Variants in CNTLN observed in about 807,000 individuals in gnomAD.
CNTLN encodes the protein centlein, also known as centlein, centrosomal protein.
In CNTLN, 212 loss-of-function variants were observed where a neutral mutation model predicts 180.0. The ratio of observed to expected loss-of-function variants is 1.18; its 90% confidence interval spans 1.05 to 1.32. The LOEUF is 1.32. CNTLN is among the 40% of genes most tolerant of loss of function. The pLI is 0.00. For synonymous variants in CNTLN, 722 were observed against 563.1 expected (o/e 1.28, Z -3.99); for missense variants, 2,095 against 1,610.9 (o/e 1.30, Z -5.14).
At chr9:17,216,453 G>A (rs939859883) in intron 2 of CNTLN, among the ~76,000 whole-genome samples, 1 of 152,058 alleles carries the variant, frequency 6.6e-6, no homozygotes, top group Non-Finnish European at 1.5e-5. Context: ...GGGAATAAAG[G>A]CAAGATGATT....
At chr9:17,484,149 G>A in intron 23 of CNTLN, 146 bp from the exon 24 acceptor site, 2 of 636,504 alleles carry the variant, frequency 3.1e-6, no homozygotes, top group Non-Finnish European at 5.2e-6. Flanking sequence ...TAGGTAAAGA[G>A]CAATCCACTA....
At chr9:17,428,974 CAGTT>C (rs1237654573) in intron 18 of CNTLN, among the ~76,000 whole-genome samples, 5 of 151,846 alleles carry the variant, frequency 3.3e-5, no homozygotes, top group Non-Finnish European at 7.4e-5. Flanking sequence ...CGATTTGAGG[CAGTT>C]AGTGTCTATT....
chr9:17,187,939 T>C (rs947029068), intron 2 of CNTLN, among the ~76,000 whole-genome samples: 3 of 150,852 alleles, frequency 2.0e-5, no homozygotes, highest in South Asian at 2.1e-4. Context: ...TGTGAAAATG[T>C]ATAAGGAATA....
Position 17,416,130 on chromosome 9 carries a change from C to G in CNTLN, c.3055C>G (p.Leu1019Val). ...VKEYKEVNEK[L>V]LHQQQVSDQR... The stretch of plus-strand genomic sequence containing the variant: ...AGAATATAAAGAAGTTAATGAAAAG[C>G]TCCTCCATCAACAGCAAGTATCCGA... Residue 1019 changes from leucine (L) to valine (V), a missense_variant, in exon 18 of 26, where the codon CTC becomes GTC. Transcript: ENST00000380647. 6.2e-7 allele frequency: 1 copy of G among 1,613,498 alleles called. No homozygotes were observed. The highest frequency in any genetic ancestry group is 8.5e-7 in the Non-Finnish European group (1 of 1,179,708).
chr9:17,301,213 A>T, intron 7 of CNTLN: 1 of 985,170 alleles, frequency 1.0e-6, no homozygotes, highest in Non-Finnish European at 1.2e-6. Flanking sequence ...GTCTTTACTA[A>T]ATTGGGAGAA....
At chr9:17,153,234 A>G (rs764219050) in intron 2 of CNTLN, among the ~76,000 whole-genome samples, 1 of 152,152 alleles carries the variant, frequency 6.6e-6, no homozygotes, top group Non-Finnish European at 1.5e-5. Flanking sequence ...TAGTTAATGC[A>G]GTTTCTTCAT....
chr9:17,191,646 CA>C (rs1219654354), intron 2 of CNTLN, among the ~76,000 whole-genome samples: 2 of 152,134 alleles, frequency 1.3e-5, no homozygotes, highest in Admixed American at 6.5e-5. Flanking sequence ...TAATATATGA[CA>C]TTTTTTTGAT....
intron 7 of CNTLN, among the ~76,000 whole-genome samples, chr9:17,306,408 C>A (rs1818719156): frequency 6.6e-6 from 1 of 152,176 alleles, no homozygotes. Context: ...CTCGGTCTCC[C>A]AAAGTGCTGG....
intron 12 of CNTLN, among the ~76,000 whole-genome samples, chr9:17,351,769 T>G (rs1822386431): frequency 6.6e-6 from 1 of 152,218 alleles, no homozygotes; most frequent in Non-Finnish European, 1.5e-5. Flanking sequence ...CAGATTGACC[T>G]TTTAAACTAT....
rs1176732121 is a variant in CNTLN, at chr9:17,219,411, T to TG, written c.450-6789dup. ...TTCCTGTTACAGCACCATTTTATCTTGGGAGCATTTTCCTGTTATGAAAAT... is the reference window on the plus strand; with the variant it reads ...TTCCTGTTACAGCACCATTTTATCTTGGGGAGCATTTTCCTGTTATGAAAAT... On this transcript the variant is annotated intron_variant, in intron 2 of 25. Coordinates refer to ENST00000380647, the MANE Select transcript of CNTLN (RefSeq NM_017738.4). Among the ~76,000 whole-genome samples the TG allele has an allele frequency of 2.6e-5, 4 of 152,166 alleles. No homozygotes were observed. In the East Asian group the frequency reaches 7.7e-4, roughly 29 times the overall value.
intron 5 of CNTLN, among the ~76,000 whole-genome samples, chr9:17,261,923 C>A (rs78970135): frequency 0.021 from 3,251 of 151,628 alleles, 233 homozygotes; most frequent in African/African-American, 0.074. Context: ...AGGACATGAA[C>A]AGACACTTCT....
rs140797060 is a variant in CNTLN at position 17,384,974 on chromosome 9, A to T, written c.1988-3188A>T. Among the ~76,000 whole-genome samples, 38 of 152,366 alleles carry T rather than the reference A, an allele frequency of 2.5e-4. 1 individual carries two copies. The highest frequency in any genetic ancestry group is 1.2e-3 in the Admixed American group (19 of 15,306). On this transcript the variant is annotated intron_variant, in intron 13 of 25. Coordinates refer to ENST00000380647, the MANE Select transcript of CNTLN (RefSeq NM_017738.4). ...ACTGCCTCCATTTTAGATCCCAGTC[A>T]CAAGTCCCAGGTTTCCACCTGTATT... is the stretch of plus-strand genomic sequence containing the variant.
At chr9:17,268,861 G>T (rs1827715610) in intron 5 of CNTLN, among the ~76,000 whole-genome samples, 1 of 151,660 alleles carries the variant, frequency 6.6e-6, no homozygotes, top group African/African-American at 2.4e-5. Context: ...TTATAATCTG[G>T]TGTGCCGTTT....
At chr9:17,161,276 A>C (rs995872416) in intron 2 of CNTLN, among the ~76,000 whole-genome samples, 1 of 152,116 alleles carries the variant, frequency 6.6e-6, no homozygotes, top group African/African-American at 2.4e-5. Context: ...CTGTCACTTT[A>C]TGAGTTTGTT....
At chr9:17,298,873 C>A in intron 7 of CNTLN, 4 of 985,274 alleles carry the variant, frequency 4.1e-6, no homozygotes, top group Non-Finnish European at 4.8e-6. Flanking sequence ...TTTTAGGAGC[C>A]TTTCAAGAAG....
intron 12 of CNTLN, among the ~76,000 whole-genome samples, chr9:17,354,916 C>T (rs1422223105): frequency 6.6e-6 from 1 of 152,046 alleles, no homozygotes; most frequent in Non-Finnish European, 1.5e-5. Context: ...CTGAGCCCAG[C>T]GAGACCACGA....
At chr9:17,348,245 C>A (rs1207115208) in intron 12 of CNTLN, among the ~76,000 whole-genome samples, 2 of 152,144 alleles carry the variant, frequency 1.3e-5, no homozygotes, top group African/African-American at 2.4e-5. Context: ...TTTACACCAT[C>A]ATAAAGTTGA....
chr9:17,376,472 G>GA (rs973510140), intron 13 of CNTLN, among the ~76,000 whole-genome samples: 1 of 143,986 alleles, frequency 6.9e-6, no homozygotes, highest in African/African-American at 2.6e-5. Context: ...TTTTTTTTGA[G>GA]ACGGAGTCTC....
intron 9 of CNTLN, 126 bp from the exon 10 acceptor site, chr9:17,332,479 A>G (rs1820708497): frequency 1.2e-6 from 1 of 812,010 alleles, no homozygotes. Context: ...CTGGTATTCC[A>G]TGCAGGATTT....
Sources: gnomAD v4.1 joint callset for allele counts (sites outside exome capture counted in the v4.1 genomes callset) on GRCh38, gnomAD v4.1.1 for gene constraint, MANE v1.5 for transcripts, NCBI Gene and HGNC (gene_info 2026-07-23, HGNC 2026-07-21) for gene names.